Variants in KCNN3 observed in about 807,000 individuals in gnomAD.
KCNN3 encodes potassium calcium-activated channel subfamily N member 3, also known as small conductance calcium-activated potassium channel protein 3.
In KCNN3, 16 loss-of-function variants were observed where a neutral mutation model predicts 62.9. The observed-to-expected ratio is 0.25, with a 90% CI of 0.17 to 0.39. The LOEUF is 0.39. Ranked by LOEUF, KCNN3 falls within the 10% of genes least tolerant of loss-of-function variation. The pLI, the probability that KCNN3 is intolerant of heterozygous loss-of-function variation, is 1.00. For missense variants in KCNN3, 599 were observed against 949.4 expected, an observed-to-expected ratio of 0.63 and a Z score of 4.85; for synonymous variants, 370 against 389.2, an observed-to-expected ratio of 0.95 and a Z score of 0.58.
intron 5 of KCNN3, among the ~76,000 whole-genome samples, chr1:154,719,934 G>T (rs1447089340): frequency 6.6e-6 from 1 of 152,178 alleles, no homozygotes; most frequent in Admixed American, 6.5e-5. Context: ...CAGGAAATTG[G>T]GTAGAGAGAG....
chr1:154,778,175 G>A (rs1017858497), intron 2 of KCNN3, among the ~76,000 whole-genome samples: 6 of 152,104 alleles, frequency 3.9e-5, no homozygotes, highest in Admixed American at 2.0e-4. Flanking sequence ...ATTTTCAGCC[G>A]TTAGTATAAT....
intron 2 of KCNN3, among the ~76,000 whole-genome samples, chr1:154,798,641 G>A (rs1649833126): frequency 6.6e-6 from 1 of 152,172 alleles, no homozygotes; most frequent in Non-Finnish European, 1.5e-5. Context: ...AAGGGTAATG[G>A]GGACCACAGT....
In KCNN3 at chr1:154,706,356, C is replaced by T. The variant is rs879746654; in HGVS notation, c.*1620G>A. The T allele has an allele frequency of 2.0e-5, 3 of 152,188 alleles. No homozygotes were observed. The highest frequency in any genetic ancestry group is 4.4e-5 in the Non-Finnish European group (3 of 68,030). The allele number at this position is 152,188 out of a possible 1,614,324, so 9.4% of individuals were successfully genotyped here. On this transcript the variant is annotated 3_prime_UTR_variant, in exon 8 of 8. Transcript: ENST00000271915. ...GACAACCACAAGCAAAAAAATCACC[C>T]TTTTGTTTTACCATCAACAGATGAA...
chr1:154,821,782 G>A (rs766826104), intron 2 of KCNN3, among the ~76,000 whole-genome samples: 24 of 152,334 alleles, frequency 1.6e-4, no homozygotes, highest in South Asian at 8.3e-4. Flanking sequence ...GGGCTCTCCC[G>A]GTCCGATGGT....
intron 2 of KCNN3, among the ~76,000 whole-genome samples, chr1:154,812,443 G>C (rs962868576): frequency 6.7e-6 from 1 of 150,368 alleles, no homozygotes; most frequent in East Asian, 2.0e-4. Flanking sequence ...GGTGTGTGAT[G>C]TTCCCCTTCC....
intron 4 of KCNN3, among the ~76,000 whole-genome samples, chr1:154,732,063 C>T (rs1028875449): frequency 3.3e-5 from 5 of 152,170 alleles, no homozygotes; most frequent in Non-Finnish European, 5.9e-5. Flanking sequence ...TGTGTGTGGC[C>T]GCTTCTCGTT....
intron 2 of KCNN3, among the ~76,000 whole-genome samples, chr1:154,802,522 C>G (rs1366637267): frequency 1.3e-5 from 2 of 152,200 alleles, no homozygotes; most frequent in Non-Finnish European, 2.9e-5. Flanking sequence ...GCCTGATGTC[C>G]AAGCTCAGGG....
intron 5 of KCNN3, among the ~76,000 whole-genome samples, chr1:154,723,214 A>G (rs1266066354): frequency 6.6e-6 from 1 of 152,330 alleles, no homozygotes; most frequent in Non-Finnish European, 1.5e-5. Context: ...AATTAAGGTT[A>G]TGTAAAAGAA....
intron 1 of KCNN3, among the ~76,000 whole-genome samples, chr1:154,863,590 T>C (rs1164640393): frequency 6.6e-6 from 1 of 152,196 alleles, no homozygotes; most frequent in Admixed American, 6.5e-5. Context: ...TGATCTTACA[T>C]TTCCATCCAG....
intron 1 of KCNN3, 44 bp from the exon 2 acceptor site, chr1:154,822,228 G>T (rs1650929586): frequency 7.2e-7 from 1 of 1,397,066 alleles, no homozygotes; most frequent in South Asian, 1.2e-5. Context: ...TGCGGGGAAA[G>T]GAGCGTCTCA....
At chr1:154,811,944 G>T (rs1297165508) in intron 2 of KCNN3, among the ~76,000 whole-genome samples, 1 of 152,206 alleles carries the variant, frequency 6.6e-6, no homozygotes, top group East Asian at 1.9e-4. Context: ...CACAGCAGGG[G>T]TGGCTGCAGG....
intron 3 of KCNN3, among the ~76,000 whole-genome samples, chr1:154,761,666 C>T (rs1024247938): frequency 1.3e-5 from 2 of 151,394 alleles, no homozygotes; most frequent in East Asian, 1.9e-4. Context: ...AGGCCGGGCG[C>T]GGTGGCTCAC....
intron 2 of KCNN3, among the ~76,000 whole-genome samples, chr1:154,813,163 G>A (rs1650499938): frequency 6.6e-6 from 1 of 151,862 alleles, no homozygotes; most frequent in Non-Finnish European, 1.5e-5. Context: ...ATGGGCAGAG[G>A]GTTGCTGGGG....
chr1:154,815,582 T>C (rs1163433031), intron 2 of KCNN3, among the ~76,000 whole-genome samples: 1 of 152,250 alleles, frequency 6.6e-6, no homozygotes, highest in Admixed American at 6.5e-5. Flanking sequence ...AGGTCTGCTT[T>C]ATTTCTGGAT....
chr1:154,822,264 G>C (rs1375678638), intron 1 of KCNN3, 80 bp from the exon 2 acceptor site: 28 of 1,058,850 alleles, frequency 2.6e-5, no homozygotes, highest in Non-Finnish European at 4.1e-5. Context: ...GTGTAAAAGA[G>C]AAGGGGTGGG....
In KCNN3 at chr1:154,715,175, C is replaced by T. The variant is rs1003571824; in HGVS notation, c.1702-172G>A. Among the ~76,000 whole-genome samples the T allele has an allele frequency of 3.9e-5, 6 of 152,204 alleles. 1 individual carries two copies. In the East Asian group the frequency reaches 9.7e-4, roughly 24 times the overall value. On this transcript the variant is annotated intron_variant, in intron 5 of 7. Coordinates refer to ENST00000271915, the MANE Select transcript of KCNN3 (RefSeq NM_002249.6). ...GATTAAGGCCGGGCACGGTGGCTCC[C>T]GCCTGTAATCTCAGAACTTTGGGAG...
intron 2 of KCNN3, among the ~76,000 whole-genome samples, chr1:154,798,874 C>T (rs559061048): frequency 6.6e-6 from 1 of 151,314 alleles, no homozygotes; most frequent in African/African-American, 2.4e-5. Flanking sequence ...GAGACCATTG[C>T]TATGAACTAA....
intron 1 of KCNN3, among the ~76,000 whole-genome samples, chr1:154,833,975 G>A (rs889123151): frequency 3.3e-5 from 5 of 152,200 alleles, no homozygotes; most frequent in South Asian, 2.1e-4. Context: ...ATCTCAGTGC[G>A]GCATAAGAAG....
chr1:154,806,370 T>C (rs1311215621), intron 2 of KCNN3, among the ~76,000 whole-genome samples: 1 of 152,238 alleles, frequency 6.6e-6, no homozygotes, highest in Admixed American at 6.5e-5. Context: ...CCGAAGTCTC[T>C]TGTTTGTGCC....
Sources: allele counts gnomAD v4.1 joint callset (sites outside exome capture counted in the v4.1 genomes callset), GRCh38; gene constraint gnomAD v4.1.1; transcripts MANE v1.5; gene names NCBI Gene and HGNC (gene_info 2026-07-23, HGNC 2026-07-21).